Variants in ZFHX3 observed in about 807,000 individuals in gnomAD.
The protein encoded by ZFHX3 is zinc finger homeobox protein 3.
ZFHX3 carries 42 observed loss-of-function variants against 279.1 expected under a neutral mutation model. The ratio of observed to expected loss-of-function variants is 0.15; its 90% CI spans 0.12 to 0.19. The LOEUF is 0.19. Ranked by LOEUF, ZFHX3 falls within the 10% of genes least tolerant of loss-of-function variation. The probability of loss-of-function intolerance (pLI) is 1.00; values close to 1 mark genes in which losing one functional copy is unlikely to be tolerated. For synonymous variants in ZFHX3, 2,293 were observed against 1,957.8 expected (o/e 1.17, Z -4.52); for missense variants, 4,981 against 4,754.0 (o/e 1.05, Z -1.40).
chr16:73,565,034 C>T (rs964556054), intron 2 of ZFHX3, among the ~76,000 whole-genome samples: 2 of 152,208 alleles, frequency 1.3e-5, no homozygotes, highest in Non-Finnish European at 2.9e-5. Flanking sequence ...GGGCAGATCA[C>T]CTGAGGTCAA....
intron 5 of ZFHX3, among the ~76,000 whole-genome samples, chr16:73,187,838 C>G (rs746578257): frequency 6.6e-6 from 1 of 152,194 alleles, no homozygotes; most frequent in Non-Finnish European, 1.5e-5. Flanking sequence ...CATAACAGAG[C>G]TGGGCTTTAT....
At chr16:73,797,807 C>CTTTT (rs35369374) in intron 1 of ZFHX3, among the ~76,000 whole-genome samples, 26 of 82,912 alleles carry the variant, frequency 3.1e-4, no homozygotes, top group South Asian at 8.8e-4. Context: ...CTTCTGAAGA[C>CTTTT]TTTTTTTTTT....
chr16:73,477,816 T>C (rs564998158), intron 2 of ZFHX3, among the ~76,000 whole-genome samples: 1 of 152,320 alleles, frequency 6.6e-6, no homozygotes, highest in South Asian at 2.1e-4. Flanking sequence ...GTATCACTGG[T>C]CGTCTTTCAA....
intron 3 of ZFHX3, among the ~76,000 whole-genome samples, chr16:73,327,810 C>T (rs1342940573): frequency 6.6e-6 from 1 of 152,162 alleles, no homozygotes; most frequent in African/African-American, 2.4e-5. Flanking sequence ...GAATTTTGTG[C>T]ACCGTAGACA....
At chr16:73,655,669 C>A (rs2052715317) in intron 2 of ZFHX3, among the ~76,000 whole-genome samples, 1 of 151,974 alleles carries the variant, frequency 6.6e-6, no homozygotes, top group Admixed American at 6.6e-5. Flanking sequence ...CAAGTGATAC[C>A]ATTTCCACTA....
Position 72,794,103 on chromosome 16 carries a change from C to A in ZFHX3, c.8579G>T (p.Gly2860Val). The change falls in exon 9 of 10, where the codon GGA (glycine) becomes GTA (valine). Residue 2860 changes from glycine (G) to valine (V), a missense_variant. Gly to Val is a moderately radical substitution (Grantham distance 109, BLOSUM62 -3). Transcript: ENST00000268489. The surrounding 1 kb of genome is among the most constrained non-coding windows in gnomAD (Gnocchi z 4.2). ...EGNADNDSAT[G>V]IATETKSSSA... Reference sequence around the variant, plus strand: ...AGAGGATTTGGTTTCAGTTGCTATTCCCGTTGCACTGTCGTTATCTGCGTT... The same window carrying A: ...AGAGGATTTGGTTTCAGTTGCTATTACCGTTGCACTGTCGTTATCTGCGTT... 1 of 1,614,206 alleles carries A rather than the reference C, an allele frequency of 6.2e-7. No individual in the cohort carries two copies. The highest frequency in any genetic ancestry group is 1.1e-5 in the South Asian group (1 of 91,078).
At chr16:73,348,884 G>T (rs2016170327) in intron 3 of ZFHX3, among the ~76,000 whole-genome samples, 1 of 152,220 alleles carries the variant, frequency 6.6e-6, no homozygotes, top group Non-Finnish European at 1.5e-5. Context: ...TAGGGAATCA[G>T]ATACCGTCTT....
chr16:73,631,888 T>C (rs893858872), intron 2 of ZFHX3, among the ~76,000 whole-genome samples: 9 of 134,812 alleles, frequency 6.7e-5, no homozygotes, highest in Admixed American at 1.5e-4. Context: ...GCCTGGGTGA[T>C]AGAGTGGGAT....
In ZFHX3 at chr16:73,478,264, C is replaced by CAA. The variant is rs1162656010; in HGVS notation, c.-1546-22008_-1546-22007dup. On this transcript the variant is annotated intron_variant, in intron 2 of 17. Transcript: ENST00000641206. ...CTGGTGACAGAGCGAGACTCCATCTCAAAAAAAAAAAAAAAAAAAAAGTCA... is the reference window on the plus strand; with the variant it reads ...CTGGTGACAGAGCGAGACTCCATCTCAAAAAAAAAAAAAAAAAAAAAAAGTCA... 6.2e-3 allele frequency among the ~76,000 whole-genome samples: 380 copies of CAA among 61,438 alleles called. 1 individual carries two copies. The highest frequency in any genetic ancestry group is 6.1e-3 in the Non-Finnish European group (179 of 29,406). The allele number at this position is 61,438 out of a possible 152,430, so 40.3% of individuals were successfully genotyped here. A position where few individuals can be genotyped will look rare whatever the true frequency, so the allele number is the denominator to read the frequency against.
intron 3 of ZFHX3, among the ~76,000 whole-genome samples, chr16:73,381,612 A>T (rs1294575019): frequency 6.6e-6 from 1 of 152,214 alleles, no homozygotes; most frequent in African/African-American, 2.4e-5. Context: ...TCTAGAGCAG[A>T]GATTGGCAAG....
intron 2 of ZFHX3, among the ~76,000 whole-genome samples, chr16:73,606,074 T>C (rs914749133): frequency 6.7e-6 from 1 of 149,576 alleles, no homozygotes; most frequent in Non-Finnish European, 1.5e-5. Flanking sequence ...TCCCAGCTAT[T>C]TGGGAGGCTG....
chr16:73,829,233 C>G (rs1166226304), intron 1 of ZFHX3, among the ~76,000 whole-genome samples: 1 of 86,744 alleles, frequency 1.2e-5, no homozygotes, highest in Non-Finnish European at 2.0e-5. Flanking sequence ...ACGTAGTTCT[C>G]GAGCCTTGGT....
chr16:73,448,074 G>C (rs2018217596), intron 3 of ZFHX3, among the ~76,000 whole-genome samples: 1 of 152,154 alleles, frequency 6.6e-6, no homozygotes, highest in Admixed American at 6.5e-5. Flanking sequence ...TGTTGGTTTT[G>C]ACAGCCTTGC....
At chr16:73,360,228 AAC>A (rs1398478774) in intron 3 of ZFHX3, among the ~76,000 whole-genome samples, 8 of 152,258 alleles carry the variant, frequency 5.3e-5, no homozygotes, top group African/African-American at 1.7e-4. Context: ...TAATTGCAAC[AAC>A]ACAACCGTGA....
At chr16:73,369,299 A>C (rs763564678) in intron 3 of ZFHX3, among the ~76,000 whole-genome samples, 2 of 152,218 alleles carry the variant, frequency 1.3e-5, no homozygotes, top group Non-Finnish European at 2.9e-5. Flanking sequence ...TCCATGGTCC[A>C]TTGCAAAGTA....
chr16:73,021,216 G>GA (rs1964286651), intron 1 of ZFHX3, among the ~76,000 whole-genome samples: 1 of 152,322 alleles, frequency 6.6e-6, no homozygotes, highest in East Asian at 1.9e-4. Context: ...GAGCAGCGAG[G>GA]AAAGACAATC....
chr16:73,630,055 A>ACT (rs563399272), intron 2 of ZFHX3, among the ~76,000 whole-genome samples: 1 of 150,856 alleles, frequency 6.6e-6, no homozygotes, highest in Non-Finnish European at 1.5e-5. Flanking sequence ...AGACTCAACC[A>ACT]CTCTCTCTCT....
At chr16:73,730,527 G>C (rs2053561494) in intron 1 of ZFHX3, among the ~76,000 whole-genome samples, 1 of 152,110 alleles carries the variant, frequency 6.6e-6, no homozygotes. Flanking sequence ...GCTCGTGGAA[G>C]CTGAGGAGAG....
intron 1 of ZFHX3, among the ~76,000 whole-genome samples, chr16:73,764,989 A>G (rs554516051): frequency 2.4e-4 from 37 of 152,290 alleles, no homozygotes; most frequent in African/African-American, 7.9e-4. Context: ...TTTGATCTGA[A>G]GACTCTTTTC....
Sources: gnomAD v4.1 joint callset for allele counts (sites outside exome capture counted in the v4.1 genomes callset) on GRCh38, gnomAD v4.1.1 for gene constraint, Gnocchi (gnomAD v3.1) non-coding constraint, MANE v1.5 for transcripts, NCBI Gene and HGNC (gene_info 2026-07-23, HGNC 2026-07-21) for gene names.